The following A1BG variants were observed in gnomAD, a reference collection of about 807,000 sequenced individuals.
A1BG encodes the protein alpha-1B-glycoprotein.
A neutral mutation model predicts 46.0 loss-of-function variants in A1BG; 44 were observed. That is an observed-to-expected ratio of 0.96 (90% CI 0.75 to 1.23). The LOEUF is 1.23. A1BG is among the 50% of genes most tolerant of loss of function. A1BG has a pLI of 0.00. For synonymous variants in A1BG, 316 were observed against 314.7 expected, an observed-to-expected ratio of 1.00 and a Z score of -0.04; for missense variants, 707 against 688.8, an observed-to-expected ratio of 1.03 and a Z score of -0.30.
intron 6 of A1BG, 187 bp from the exon 7 acceptor site, chr19:58,347,827 C>A: frequency 2.8e-6 from 1 of 354,514 alleles, no homozygotes. Context: ...CTTCACACCC[C>A]GGACATCCGC....
In A1BG at chr19:58,352,498, A is replaced by G. The variant is rs1334382918; in HGVS notation, c.398T>C (p.Leu133Pro). ...MAPVSWITPG[L>P]KTTAVCRGVL... is the part of the protein sequence containing the mutation. The stretch of plus-strand genomic sequence containing the variant: ...ACCTCGGCACACTGCTGTTGTTTTC[A>G]GGCCGGGGGTGATCCAGGACACTGG... Residue 133 changes from leucine to proline, a missense_variant, in exon 4 of 8, where the codon CTG becomes CCG. Transcript: ENST00000263100. The G allele has an allele frequency of 8.7e-6, 14 of 1,613,028 alleles. No homozygotes were observed. In the Admixed American group the frequency reaches 1.3e-4, roughly 15 times the overall value.
Position 58,346,667 on chromosome 19 carries a change from C to T in A1BG, c.*355G>A. The T allele has an allele frequency of 3.0e-6, 1 of 334,418 alleles. No homozygotes were observed. Among genetic ancestry groups the T allele is most frequent in the Non-Finnish European group, 5.7e-6 (1 of 176,502 alleles). The allele number at this position is 334,418 out of a possible 1,614,324, so 20.7% of individuals were successfully genotyped here. On this transcript the variant is annotated 3_prime_UTR_variant, in exon 8 of 8. Transcript: ENST00000263100. ...CCTGGGAGGTCAAAACTGCAGTGAG[C>T]CGGACTGCAACACTGCACTCCAGCC...
chr19:58,353,215 G>A lies in A1BG; in HGVS notation c.71-18C>T, dbSNP rs1459512429. On this transcript the variant is annotated intron_variant, in intron 2 of 7. Coordinates refer to ENST00000263100, the MANE Select transcript of A1BG (RefSeq NM_130786.4). The stretch of plus-strand genomic sequence containing the variant: ...CTCATAAACTGCAAGGGGTGGCTGG[G>A]ATCAGCTCAGTGCCACAGAGACAGG... 1.2e-6 allele frequency: 2 copies of A among 1,613,476 alleles called. No individual in the cohort carries two copies. The highest frequency in any genetic ancestry group is 2.2e-5 in the East Asian group (1 of 44,866).
rs1410496429 is a variant in A1BG at position 58,352,322 on chromosome 19, G to A, written c.574C>T (p.Leu192Phe). ...CSYRTDGEGA[L>F]SEPSATVTIE... is the part of the protein sequence containing the mutation. ...GTCACAGTAGCGCTGGGCTCAGAGA[G>A]GGCGCCTTCCCCATCGGTCCGGTAG... Residue 192 changes from leucine to phenylalanine, a missense_variant, in exon 4 of 8, where the codon CTC (leucine) becomes TTC (phenylalanine). By Grantham distance (22) the Leu-to-Phe change is conservative. Transcript: ENST00000263100. 6.8e-6 allele frequency: 11 copies of A among 1,613,920 alleles called. No individual in the cohort carries two copies. Among genetic ancestry groups the A allele is most frequent in the Non-Finnish European group, 9.3e-6 (11 of 1,179,980 alleles).
chr19:58,348,587 T>A (rs2051932653), intron 6 of A1BG: 1 of 152,268 alleles, frequency 6.6e-6, no homozygotes, highest in Admixed American at 6.5e-5. Flanking sequence ...ATATTCCCTA[T>A]CCATTTTGAA....
Position 58,346,043 on chromosome 19 carries a change from C to G in A1BG, c.*979G>C, listed in dbSNP as rs1427004450. The stretch of plus-strand genomic sequence containing the variant: ...AGGAATCCAGCCATTTCCACAGCGT[C>G]CAGCTCTGCTGTGGGAGGCTGGGAA... On this transcript the variant is annotated 3_prime_UTR_variant, in exon 8 of 8. Transcript: ENST00000263100. The G allele has an allele frequency of 6.6e-6, 1 of 152,306 alleles. No individual in the cohort carries two copies. The highest frequency in any genetic ancestry group is 6.5e-5 in the Admixed American group (1 of 15,284). 9.4% of individuals were successfully genotyped at this position (152,306 alleles called of 1,614,324 possible). A position where few individuals can be genotyped will look rare whatever the true frequency, so the allele number is the denominator to read the frequency against.
intron 5 of A1BG, 37 bp downstream of exon 5, chr19:58,351,354 C>T (rs762696621): frequency 6.3e-7 from 1 of 1,597,640 alleles, no homozygotes; most frequent in East Asian, 2.2e-5. Context: ...TCCCCAGGGA[C>T]CCAGCCGCGT....
At chr19:58,352,684 A>C in intron 3 of A1BG, 129 bp from the exon 4 acceptor site, 1 of 1,307,100 alleles carries the variant, frequency 7.7e-7, no homozygotes. Context: ...GGGAAAAGGC[A>C]GGCAGGCACC....
rs370127194 is a variant in A1BG, at chr19:58,353,465, A to G, written c.-28T>C. 6.3e-7 allele frequency: 1 copy of G among 1,597,724 alleles called. No homozygotes were observed. The highest frequency in any genetic ancestry group is 8.5e-7 in the Non-Finnish European group (1 of 1,171,876). ...TGGTCGCGCTCACTCCGGTGCAGTG[A>G]GTGTCTGGGGTGAGCGTCTGCAGCA... On this transcript the variant is annotated 5_prime_UTR_variant, in exon 1 of 8. Coordinates refer to ENST00000263100, the MANE Select transcript of A1BG (RefSeq NM_130786.4).
At chr19:58,352,871 C>T (rs2051975484) in intron 3 of A1BG, 57 bp downstream of exon 3, 3 of 1,553,318 alleles carry the variant, frequency 1.9e-6, no homozygotes, top group Non-Finnish European at 2.6e-6. Flanking sequence ...GAAGGGAGAC[C>T]CCCCAGTCAA....
chr19:58,347,683 G>GCCACGCCCCAGGCCGCGCCCAGT, intron 6 of A1BG, 43 bp from the exon 7 acceptor site: 1 of 1,270,862 alleles, frequency 7.9e-7, no homozygotes, highest in Non-Finnish European at 9.9e-7. Flanking sequence ...CACGCCCCAG[G>GCCACGCCCCAGGCCGCGCCCAGT]CCACGCCCCA....
chr19:58,348,439 A>G (rs940859867), intron 6 of A1BG: 14 of 152,272 alleles, frequency 9.2e-5, no homozygotes, highest in African/African-American at 3.4e-4. Context: ...AATTTCAGGG[A>G]AATTAATGAA....
intron 4 of A1BG, 175 bp from the exon 5 acceptor site, chr19:58,351,862 C>T (rs1214677887): frequency 1.4e-6 from 1 of 734,150 alleles, no homozygotes; most frequent in Admixed American, 3.0e-5. Context: ...AGTGGCGCCA[C>T]TCAGCTCACT....
intron 5 of A1BG, 172 bp from the exon 6 acceptor site, chr19:58,350,823 T>TGCAA: frequency 3.6e-6 from 2 of 556,808 alleles, no homozygotes; most frequent in Non-Finnish European, 5.7e-6. Context: ...AGTCCTTGGA[T>TGCAA]ATCTCACACG....
chr19:58,352,868 G>A, intron 3 of A1BG, 60 bp downstream of exon 3: 9 of 1,547,712 alleles, frequency 5.8e-6, no homozygotes, highest in Non-Finnish European at 7.8e-6. Flanking sequence ...GAGGAAGGGA[G>A]ACCCCCCAGT....
intron 7 of A1BG, 36 bp downstream of exon 7, chr19:58,347,317 G>A (rs751801695): frequency 1.2e-6 from 2 of 1,607,342 alleles, no homozygotes; most frequent in African/African-American, 2.7e-5. Context: ...AACATCAGCA[G>A]ACGGAACCAG....
chr19:58,353,459 G>A lies in A1BG; in HGVS notation c.-22C>T. Reference sequence around the variant, plus strand: ...ACATGATGGTCGCGCTCACTCCGGTGCAGTGAGTGTCTGGGGTGAGCGTCT... The same window carrying A: ...ACATGATGGTCGCGCTCACTCCGGTACAGTGAGTGTCTGGGGTGAGCGTCT... On this transcript the variant is annotated 5_prime_UTR_variant, in exon 1 of 8. Transcript: ENST00000263100. 2 of 1,601,442 alleles carry A rather than the reference G, an allele frequency of 1.2e-6. No individual in the cohort carries two copies. The highest frequency in any genetic ancestry group is 1.7e-6 in the Non-Finnish European group (2 of 1,173,702).
intron 1 of A1BG, 38 bp downstream of exon 1, chr19:58,353,366 C>T (rs768601815): frequency 1.9e-6 from 3 of 1,610,714 alleles, no homozygotes; most frequent in Non-Finnish European, 8.5e-7. Flanking sequence ...GTTCCCGCCC[C>T]CTCCCGCCCC....
chr19:58,351,764 C>T (rs968457725), intron 4 of A1BG, 77 bp from the exon 5 acceptor site: 34 of 1,384,416 alleles, frequency 2.5e-5, no homozygotes, highest in East Asian at 5.1e-5. Flanking sequence ...CTCTGCCCTC[C>T]GGGTGGCAAT....
Sources: allele counts gnomAD v4.1 joint callset, GRCh38; gene constraint gnomAD v4.1.1; transcripts MANE v1.5; gene names NCBI Gene and HGNC (gene_info 2026-07-23, HGNC 2026-07-21).